AGMO: variants seen among roughly 807,000 people sequenced by gnomAD.
The protein encoded by AGMO is glyceryl-ether monooxygenase.
Under a neutral mutation model 60.2 loss-of-function variants are expected in AGMO, and 75 were observed. That is an observed-to-expected ratio of 1.25 (90% confidence interval 1.03 to 1.51). The LOEUF (loss-of-function observed/expected upper bound fraction) is 1.51, where lower values mean the gene tolerates loss of function less well. Ranked by LOEUF, AGMO falls within the 40% of genes most tolerant of loss-of-function variation. AGMO has a pLI of 0.00. For missense variants in AGMO, 763 were observed against 525.5 expected (o/e 1.45, Z -4.42); for synonymous variants, 261 against 177.1 (o/e 1.47, Z -3.76).
At chr7:15,387,827 T>A (rs540884108) in intron 8 of AGMO, among the ~76,000 whole-genome samples, 2 of 151,918 alleles carry the variant, frequency 1.3e-5, no homozygotes, top group East Asian at 1.9e-4. Context: ...AGGAAAAAAA[T>A]GAGTTAAGAG....
At chr7:15,518,983 T>C (rs1413866655) in intron 3 of AGMO, among the ~76,000 whole-genome samples, 1 of 151,522 alleles carries the variant, frequency 6.6e-6, no homozygotes, top group African/African-American at 2.4e-5. Context: ...AATGATCTAA[T>C]GGAGCTGAAA....
chr7:15,374,927 TG>T (rs1328195138), intron 10 of AGMO, among the ~76,000 whole-genome samples: 2 of 152,112 alleles, frequency 1.3e-5, no homozygotes, highest in African/African-American at 4.8e-5. Context: ...CGTGATACCC[TG>T]AAGAAATTAT....
chr7:15,385,397 CA>C (rs1783869525), intron 10 of AGMO, 48 bp downstream of exon 10: 1 of 1,240,218 alleles, frequency 8.1e-7, no homozygotes, highest in East Asian at 2.4e-5. Flanking sequence ...CATTTTCAAA[CA>C]AAGTAACAGA....
chr7:15,158,850 A>G, the AGMO span, among the ~76,000 whole-genome samples: 1 of 152,186 alleles, frequency 6.6e-6, no homozygotes, highest in Non-Finnish European at 1.5e-5. Flanking sequence ...CTCCTCAAAA[A>G]AAATAAAGAT....
At chr7:15,456,319 G>A (rs1264388200) in intron 3 of AGMO, among the ~76,000 whole-genome samples, 1 of 151,942 alleles carries the variant, frequency 6.6e-6, no homozygotes, top group African/African-American at 2.4e-5. Flanking sequence ...CATTGTCTCT[G>A]TTTCTCCTGT....
chr7:15,309,579 G>A (rs773776844), intron 12 of AGMO, among the ~76,000 whole-genome samples: 8 of 151,996 alleles, frequency 5.3e-5, no homozygotes, highest in Admixed American at 3.3e-4. Flanking sequence ...AAAGAGATAT[G>A]CAAAATGTTA....
At chr7:15,421,540 A>G (rs962653334) in intron 4 of AGMO, among the ~76,000 whole-genome samples, 1 of 152,194 alleles carries the variant, frequency 6.6e-6, no homozygotes, top group African/African-American at 2.4e-5. Flanking sequence ...GATAAAGTAC[A>G]TGCAACAGAT....
chr7:15,175,090 T>C, the AGMO span, among the ~76,000 whole-genome samples: 1 of 151,898 alleles, frequency 6.6e-6, no homozygotes, highest in African/African-American at 2.4e-5. Context: ...ATTAAAAACT[T>C]ACCTAACTGT....
chr7:15,292,006 A>G lies in AGMO; in HGVS notation c.1263+73508T>C, dbSNP rs1784277562. On this transcript the variant is annotated intron_variant, in intron 12 of 12. Coordinates refer to ENST00000342526, the MANE Select transcript of AGMO (RefSeq NM_001004320.2). ...GTATAGAAGACTCAAGTAAGCCAAT[A>G]AAAGAAATGCATTAAAAATTTCTAA... Among the ~76,000 whole-genome samples the G allele has an allele frequency of 5.9e-5, 9 of 152,320 alleles. No individual in the cohort carries two copies. The South Asian group carries it at 1.9e-3, about 32-fold the overall frequency.
At chr7:15,360,942 T>TAC (rs367827952) in intron 12 of AGMO, among the ~76,000 whole-genome samples, 2 of 151,390 alleles carry the variant, frequency 1.3e-5, no homozygotes, top group Non-Finnish European at 2.9e-5. Flanking sequence ...AGATAAATTA[T>TAC]AAATAAAGCA....
At chr7:15,387,619 T>C in intron 8 of AGMO, 79 bp from the exon 9 acceptor site, 2 of 1,319,410 alleles carry the variant, frequency 1.5e-6, no homozygotes, top group South Asian at 1.4e-5. Context: ...GTATATTATT[T>C]TATTGTTCAA....
chr7:15,334,131 T>C (rs963970349), intron 12 of AGMO, among the ~76,000 whole-genome samples: 10 of 151,924 alleles, frequency 6.6e-5, no homozygotes, highest in African/African-American at 2.4e-4. Flanking sequence ...AAAAAACTCA[T>C]AACAAAGGCT....
intron 12 of AGMO, among the ~76,000 whole-genome samples, chr7:15,227,689 G>A (rs148638720): frequency 6.0e-4 from 91 of 152,106 alleles, no homozygotes; most frequent in South Asian, 1.0e-3. Context: ...GAATTTACAC[G>A]TATCATCCAT....
intron 10 of AGMO, among the ~76,000 whole-genome samples, chr7:15,385,215 C>G (rs1393111341): frequency 6.6e-6 from 1 of 152,162 alleles, no homozygotes; most frequent in Non-Finnish European, 1.5e-5. Flanking sequence ...CACAGATTCA[C>G]AGCATACCAC....
chr7:15,432,468 A>G lies in AGMO; in HGVS notation c.410-1360T>C, dbSNP rs542292340. 9.0e-4 allele frequency among the ~76,000 whole-genome samples: 136 copies of G among 151,260 alleles called. 1 individual carries two copies. Among genetic ancestry groups the G allele is most frequent in the Admixed American group, 4.0e-3 (61 of 15,120 alleles). On this transcript the variant is annotated intron_variant, in intron 3 of 12. Transcript: ENST00000342526. ...GAGAATTACCAAACAAAATTGTTAA[A>G]GAAAAAAGGTCTTGGTAAACAAATG...
At chr7:15,371,067 G>T (rs750357645) in intron 10 of AGMO, among the ~76,000 whole-genome samples, 2 of 152,114 alleles carry the variant, frequency 1.3e-5, no homozygotes, top group Non-Finnish European at 2.9e-5. Flanking sequence ...GCCATATGCA[G>T]AAGAATGAAA....
intron 3 of AGMO, among the ~76,000 whole-genome samples, chr7:15,490,291 G>T (rs1271624395): frequency 6.6e-6 from 1 of 152,116 alleles, no homozygotes; most frequent in Non-Finnish European, 1.5e-5. Flanking sequence ...CTCTCTGGTG[G>T]TATAAATGTG....
At chr7:15,227,481 A>C (rs1379409582) in intron 12 of AGMO, among the ~76,000 whole-genome samples, 1 of 151,934 alleles carries the variant, frequency 6.6e-6, no homozygotes, top group Non-Finnish European at 1.5e-5. Flanking sequence ...GACAAATATA[A>C]ATTCTTGAGT....
chr7:15,169,351 C>G, the AGMO span, among the ~76,000 whole-genome samples: 1 of 152,276 alleles, frequency 6.6e-6, no homozygotes, highest in South Asian at 2.1e-4. Context: ...GCTGATTACA[C>G]CATTAGTTCA....
Sources: allele counts gnomAD v4.1 joint callset (sites outside exome capture counted in the v4.1 genomes callset), GRCh38; gene constraint gnomAD v4.1.1; transcripts MANE v1.5; gene names NCBI Gene and HGNC (gene_info 2026-07-23, HGNC 2026-07-21).